The following KLK15 variants were observed in gnomAD, a reference collection of about 807,000 sequenced individuals.
KLK15 encodes kallikrein-15.
Under a neutral mutation model 21.1 loss-of-function variants are expected in KLK15, and 19 were observed. That is an observed-to-expected ratio of 0.90 (90% CI 0.63 to 1.32). The LOEUF is 1.32. Ranked by LOEUF, KLK15 falls within the 40% of genes most tolerant of loss-of-function variation. The pLI, the probability that KLK15 is intolerant of heterozygous loss-of-function variation, is 0.00. For synonymous variants in KLK15, 141 were observed against 141.5 expected (o/e 1.00, Z 0.03); for missense variants, 345 against 348.6 (o/e 0.99, Z 0.08).
chr19:50,827,857 A>G, intron 1 of KLK15, 42 bp from the exon 3 acceptor site: 1 of 1,591,694 alleles, frequency 6.3e-7, no homozygotes, highest in Non-Finnish European at 8.6e-7. Context: ...AGGGACGTTT[A>G]CATTGCCTCC....
chr19:50,827,292 C>T, intron 2 of KLK15, 131 bp from the exon 4 acceptor site: 1 of 891,008 alleles, frequency 1.1e-6, no homozygotes, highest in Non-Finnish European at 1.7e-6. Context: ...ATCCCATTAC[C>T]TTTTCCCAAG....
At position 50,831,443 on chromosome 19, in the gene KLK15, AC is replaced by A; in HGVS notation, c.43+6del. 7.0e-7 allele frequency: 1 copy of A among 1,426,568 alleles called. No homozygotes were observed. Among genetic ancestry groups the A allele is most frequent in the Non-Finnish European group, 9.1e-7 (1 of 1,093,190 alleles). 88.4% of individuals were successfully genotyped at this position (1,426,568 alleles called of 1,614,324 possible). The stretch of plus-strand genomic sequence containing the variant: ...ACAGACCTGGCCCCCTCCTGGGGCC[AC>A]CTCACCTGTGGATGCCAGCAGGAAG... On this transcript the variant is annotated splice_donor_region_variant and intron_variant, in intron 1 of 4. Transcript: ENST00000598239.
intron 1 of KLK15, among the ~76,000 whole-genome samples, chr19:50,829,350 C>G (rs1405212105): frequency 1.3e-5 from 2 of 151,632 alleles, no homozygotes; most frequent in African/African-American, 4.8e-5. Flanking sequence ...GTGAGTGATA[C>G]CTAGCCCTGG....
At chr19:50,830,994 C>G (rs556469128) in intron 1 of KLK15, 1 of 153,982 alleles carries the variant, frequency 6.5e-6, no homozygotes, top group African/African-American at 2.4e-5. Context: ...GTGTGGGACT[C>G]AAGCTGGAGT....
chr19:50,827,303 A>C (rs1599951578), intron 2 of KLK15, 142 bp from the exon 4 acceptor site: 1 of 815,224 alleles, frequency 1.2e-6, no homozygotes, highest in East Asian at 2.7e-5. Context: ...TTTTCCCAAG[A>C]CCCTGAAGCC....
At chr19:50,831,365 G>T in intron 1 of KLK15, 85 bp downstream of exon 2, 1 of 994,828 alleles carries the variant, frequency 1.0e-6, no homozygotes, top group South Asian at 2.2e-5. Flanking sequence ...GGTGAGGTAG[G>T]GGCTGGCAGA....
At chr19:50,828,618 A>G (rs2089925816) in intron 1 of KLK15, among the ~76,000 whole-genome samples, 1 of 151,674 alleles carries the variant, frequency 6.6e-6, no homozygotes, top group African/African-American at 2.4e-5. Flanking sequence ...AGGTACAGCT[A>G]TGGACAGGAC....
chr19:50,830,877 G>A (rs1482740474), intron 1 of KLK15, among the ~76,000 whole-genome samples: 1 of 152,120 alleles, frequency 6.6e-6, no homozygotes, highest in Non-Finnish European at 1.5e-5. Context: ...CACCGTGCCT[G>A]GCTTGCACAC....
intron 1 of KLK15, among the ~76,000 whole-genome samples, chr19:50,830,859 G>A (rs113865932): frequency 0.028 from 4,243 of 152,268 alleles, 70 homozygotes; most frequent in Non-Finnish European, 0.038. Flanking sequence ...TTGTATGTAA[G>A]CTCTAAGCAC....
exon 1 of KLK15, chr19:50,831,518 T>G (rs746966963): frequency 1.7e-5 from 25 of 1,457,782 alleles, no homozygotes; most frequent in Non-Finnish European, 9.0e-7. Context: ...AGGGTTCGGC[T>G]GCAGTCTGGG....
chr19:50,826,056 G>C (rs1040701358), intron 4 of KLK15, 108 bp from the exon 6 acceptor site: 15 of 1,183,932 alleles, frequency 1.3e-5, no homozygotes, highest in African/African-American at 1.5e-5. Context: ...CCCATCCCAG[G>C]GAACCCCAAC....
At chr19:50,829,344 G>A (rs1436032395) in intron 1 of KLK15, among the ~76,000 whole-genome samples, 1 of 151,774 alleles carries the variant, frequency 6.6e-6, no homozygotes. Context: ...TGTATGGTGA[G>A]TGATACCTAG....
Position 50,831,435 on chromosome 19 carries a change from C to G in KLK15, c.43+15G>C, listed in dbSNP as rs949042070. The G allele has an allele frequency of 6.3e-6, 9 of 1,419,940 alleles. No individual in the cohort carries two copies. In the East Asian group the frequency reaches 2.7e-4, roughly 43 times the overall value. 88.0% of individuals were successfully genotyped at this position (1,419,940 alleles called of 1,614,324 possible). On this transcript the variant is annotated intron_variant, in intron 1 of 4. Transcript: ENST00000598239. ...CTGCTCCCACAGACCTGGCCCCCTC[C>G]TGGGGCCACCTCACCTGTGGATGCC... is the stretch of plus-strand genomic sequence containing the variant.
At chr19:50,827,872 C>A in intron 1 of KLK15, 57 bp from the exon 3 acceptor site, 1 of 1,540,460 alleles carries the variant, frequency 6.5e-7, no homozygotes, top group South Asian at 1.1e-5. Flanking sequence ...GCCTCCTACA[C>A]CTTCCTTGCA....
Position 50,830,583 on chromosome 19 carries a change from A to G in KLK15, c.43+867T>C, listed in dbSNP as rs1455958577. On this transcript the variant is annotated intron_variant, in intron 1 of 4. Transcript: ENST00000598239. The stretch of plus-strand genomic sequence containing the variant: ...GAGGCAGGTAGGTGAGTGCACAGAG[A>G]GAGCCGGAGGGGAGGCTGGAGGCGT... The G allele has an allele frequency of 1.4e-5, 2 of 144,894 alleles. 1 individual carries two copies. The highest frequency in any genetic ancestry group is 1.4e-4 in the Admixed American group (2 of 14,252). The allele number at this position is 144,894 out of a possible 1,614,324, so 9.0% of individuals were successfully genotyped here.
intron 3 of KLK15, 53 bp from the exon 5 acceptor site, chr19:50,826,810 C>A: frequency 6.3e-7 from 1 of 1,581,268 alleles, no homozygotes; most frequent in Non-Finnish European, 8.6e-7. Context: ...CCCTTGTCCC[C>A]TCCGCCCAAG....
At chr19:50,827,896 A>G in intron 1 of KLK15, 81 bp from the exon 3 acceptor site, 1 of 1,328,550 alleles carries the variant, frequency 7.5e-7, no homozygotes, top group Non-Finnish European at 1.1e-6. Context: ...TGCCCTAACT[A>G]CTATATGCCT....
Position 50,825,916 on chromosome 19 carries a change from G to GC in KLK15, c.650dup (p.Ile218HisfsTer10), listed in dbSNP as rs1342250213. ...CCCAGGACACAATGCCCTGCAGGATGCCCCCACAGACCAGGGGTCCCCCAG... is the reference window on the plus strand; with the variant it reads ...CCCAGGACACAATGCCCTGCAGGATGCCCCCCACAGACCAGGGGTCCCCCAG... On this transcript the variant is annotated frameshift_variant, in exon 5 of 5. Transcript: ENST00000598239. LOFTEE classifies it low-confidence loss of function (END_TRUNC). The GC allele has an allele frequency of 6.2e-7, 1 of 1,613,846 alleles. No homozygotes were observed. Among genetic ancestry groups the GC allele is most frequent in the Non-Finnish European group, 8.5e-7 (1 of 1,179,866 alleles).
upstream of KLK15, among the ~76,000 whole-genome samples, chr19:50,832,860 C>A (rs2090014151): frequency 6.6e-6 from 1 of 152,204 alleles, no homozygotes; most frequent in Non-Finnish European, 1.5e-5. Flanking sequence ...ACTGGCAGCT[C>A]CCCGAGGAGC....
Sources: gnomAD v4.1 joint callset for allele counts (sites outside exome capture counted in the v4.1 genomes callset) on GRCh38, gnomAD v4.1.1 for gene constraint, MANE v1.5 for transcripts, NCBI Gene and HGNC (gene_info 2026-07-23, HGNC 2026-07-21) for gene names.